DDR2: variants seen among roughly 807,000 people sequenced by gnomAD.
DDR2 encodes discoidin domain-containing receptor 2.
DDR2 carries 27 observed loss-of-function variants against 94.9 expected under a neutral mutation model. The observed-to-expected ratio is 0.28, with a 90% CI of 0.21 to 0.39. The LOEUF is 0.39. Among genes scored for constraint, DDR2 ranks in the 10% least tolerant of loss-of-function variants. The pLI, the probability that DDR2 is intolerant of heterozygous loss-of-function variation, is 1.00. For missense variants in DDR2, 783 were observed against 1,076.0 expected (o/e 0.73, Z 3.81); for synonymous variants, 382 against 377.2 (o/e 1.01, Z -0.15).
intron 2 of DDR2, among the ~76,000 whole-genome samples, chr1:162,667,333 A>T (rs1490060907): frequency 6.6e-6 from 1 of 152,212 alleles, no homozygotes; most frequent in Non-Finnish European, 1.5e-5. Flanking sequence ...ACAGATGAAG[A>T]AAAAGGAGAG....
At chr1:162,643,434 C>A (rs1657245911) in intron 1 of DDR2, among the ~76,000 whole-genome samples, 1 of 152,094 alleles carries the variant, frequency 6.6e-6, no homozygotes, top group South Asian at 2.1e-4. Context: ...ATGCCTTTTG[C>A]AGAAGTAATA....
At chr1:162,652,054 T>C (rs1384817060) in intron 1 of DDR2, among the ~76,000 whole-genome samples, 4 of 152,250 alleles carry the variant, frequency 2.6e-5, no homozygotes, top group Non-Finnish European at 4.4e-5. Flanking sequence ...GTTGAAAACA[T>C]GCACTTTGGC....
At chr1:162,741,969 C>T (rs886274516) in intron 3 of DDR2, among the ~76,000 whole-genome samples, 1 of 152,198 alleles carries the variant, frequency 6.6e-6, no homozygotes, top group African/African-American at 2.4e-5. Flanking sequence ...ACATTGATCT[C>T]ATCCATTGGA....
At chr1:162,716,560 A>G (rs1661176139) in intron 2 of DDR2, among the ~76,000 whole-genome samples, 1 of 152,176 alleles carries the variant, frequency 6.6e-6, no homozygotes, top group African/African-American at 2.4e-5. Flanking sequence ...TATCTTATCC[A>G]AATCAATTGC....
intron 2 of DDR2, among the ~76,000 whole-genome samples, chr1:162,661,904 T>C (rs1027670541): frequency 6.6e-6 from 1 of 152,212 alleles, no homozygotes; most frequent in South Asian, 2.1e-4. Flanking sequence ...ACTTAGTTCC[T>C]TTTCCCTTTG....
chr1:162,764,530 G>C (rs768284542), intron 9 of DDR2, among the ~76,000 whole-genome samples: 5 of 152,106 alleles, frequency 3.3e-5, no homozygotes, highest in Admixed American at 3.3e-4. Flanking sequence ...AAAAGTCCAG[G>C]TGTAAAATAA....
chr1:162,750,172 G>C (rs1663110439), intron 3 of DDR2, among the ~76,000 whole-genome samples: 1 of 152,140 alleles, frequency 6.6e-6, no homozygotes, highest in South Asian at 2.1e-4. Flanking sequence ...GAAATAAAGG[G>C]TATTTAATTA....
At chr1:162,702,942 T>C (rs1660494334) in intron 2 of DDR2, among the ~76,000 whole-genome samples, 2 of 152,242 alleles carry the variant, frequency 1.3e-5, no homozygotes, top group Non-Finnish European at 2.9e-5. Flanking sequence ...TGTGTGTATA[T>C]ACATTTTTTC....
At chr1:162,684,486 T>C (rs1659561919) in intron 2 of DDR2, among the ~76,000 whole-genome samples, 1 of 152,110 alleles carries the variant, frequency 6.6e-6, no homozygotes, top group African/African-American at 2.4e-5. Context: ...CCACTAATTC[T>C]TTATTTGGAC....
intron 3 of DDR2, among the ~76,000 whole-genome samples, chr1:162,725,579 A>G (rs930097149): frequency 1.3e-5 from 2 of 151,980 alleles, no homozygotes; most frequent in African/African-American, 4.8e-5. Context: ...GGGTTTTGCC[A>G]TGTTGGCCAG....
chr1:162,723,032 T>C (rs982461182), intron 3 of DDR2, among the ~76,000 whole-genome samples: 1 of 152,168 alleles, frequency 6.6e-6, no homozygotes, highest in Non-Finnish European at 1.5e-5. Flanking sequence ...AAGTGACTGA[T>C]AAATACTTAA....
At position 162,773,455 on chromosome 1, in the gene DDR2, T is replaced by C. The variant is rs745870505; in HGVS notation, c.1729-14T>C. On this transcript the variant is annotated splice_polypyrimidine_tract_variant and intron_variant, in intron 13 of 17. Transcript: ENST00000367921. ...GAGAAATGATGATGCTGAGACTAGA[T>C]GACTTTTGTCTAGGTTCATCTCTGT... 2 of 1,613,256 alleles carry C rather than the reference T, an allele frequency of 1.2e-6. No individual in the cohort carries two copies. The highest frequency in any genetic ancestry group is 2.2e-5 in the East Asian group (1 of 44,854).
intron 7 of DDR2, 64 bp downstream of exon 7, chr1:162,755,833 A>T (rs1025246633): frequency 7.5e-7 from 1 of 1,328,666 alleles, no homozygotes; most frequent in Non-Finnish European, 1.1e-6. Context: ...ATATTTTATC[A>T]TGTCTTGGGA....
intron 3 of DDR2, among the ~76,000 whole-genome samples, chr1:162,748,971 C>G (rs1389719068): frequency 1.3e-5 from 2 of 152,148 alleles, no homozygotes; most frequent in Non-Finnish European, 2.9e-5. Context: ...AACAAAGACA[C>G]AACATACCAG....
At chr1:162,704,731 A>G (rs988696524) in intron 2 of DDR2, among the ~76,000 whole-genome samples, 4 of 152,202 alleles carry the variant, frequency 2.6e-5, no homozygotes, top group African/African-American at 9.7e-5. Context: ...CAAAGGCCCT[A>G]CTTCCTAATA....
chr1:162,744,808 A>C (rs540985826), intron 3 of DDR2, among the ~76,000 whole-genome samples: 10 of 152,306 alleles, frequency 6.6e-5, no homozygotes, highest in Admixed American at 3.3e-4. Flanking sequence ...TGCTGCAATG[A>C]ACATGGAAGG....
At position 162,773,585 on chromosome 1, in the gene DDR2, C is replaced by T; in HGVS notation, c.1845C>T (p.Asn615=). The T allele has an allele frequency of 6.2e-7, 1 of 1,614,000 alleles. No individual in the cohort carries two copies. The highest frequency in any genetic ancestry group is 1.1e-5 in the South Asian group (1 of 91,082). The change falls in exon 14 of 18, where the codon AAC becomes AAT. Residue 615 remains asparagine, a synonymous_variant. Transcript: ENST00000367921. ...TGAAAATGCTCCGAGCAGATGCCAACAAGAATGCCAGGTCTGTGGTCTACA... is the reference window on the plus strand; with the variant it reads ...TGAAAATGCTCCGAGCAGATGCCAATAAGAATGCCAGGTCTGTGGTCTACA... ...VAVKMLRADA[N]KNARNDFLKE...
chr1:162,783,837 G>A lies in DDR2; in HGVS notation c.*3591G>A, dbSNP rs1403582554. The A allele has an allele frequency of 6.6e-6, 1 of 152,098 alleles. No individual in the cohort carries two copies. Among genetic ancestry groups the A allele is most frequent in the Non-Finnish European group, 1.5e-5 (1 of 68,012 alleles). The allele number at this position is 152,098 out of a possible 1,614,324, so 9.4% of individuals were successfully genotyped here. ...GTGGTGTGAGCATCAGGTATATTCT[G>A]GACCATTTCAAGTGCTGGTGAGAAG... is the stretch of plus-strand genomic sequence containing the variant. On this transcript the variant is annotated 3_prime_UTR_variant, in exon 18 of 18. Transcript: ENST00000367921.
At chr1:162,651,216 T>C (rs774772126) in intron 1 of DDR2, among the ~76,000 whole-genome samples, 8 of 152,212 alleles carry the variant, frequency 5.3e-5, no homozygotes, top group Non-Finnish European at 8.8e-5. Flanking sequence ...GGCTCTCTTG[T>C]GCTCACTCCT....
Sources: allele counts gnomAD v4.1 joint callset (sites outside exome capture counted in the v4.1 genomes callset), GRCh38; gene constraint gnomAD v4.1.1; transcripts MANE v1.5; gene names NCBI Gene and HGNC (gene_info 2026-07-23, HGNC 2026-07-21).